Variants in NFASC observed in about 807,000 individuals in gnomAD.
NFASC encodes neurofascin homolog.
In NFASC, 43 loss-of-function variants were observed where a neutral mutation model predicts 147.5. That is an observed-to-expected ratio of 0.29 (90% CI 0.23 to 0.38). The LOEUF is 0.38. NFASC is among the 10% of genes least tolerant of loss of function. The pLI, the probability that NFASC is intolerant of heterozygous loss-of-function variation, is 1.00. For missense variants in NFASC, 1,320 were observed against 1,689.0 expected (o/e 0.78, Z 3.83); for synonymous variants, 622 against 665.5 (o/e 0.93, Z 1.01).
intron 1 of NFASC, among the ~76,000 whole-genome samples, chr1:204,877,234 T>C (rs2079201893): frequency 6.6e-6 from 1 of 151,072 alleles, no homozygotes; most frequent in African/African-American, 2.4e-5. Flanking sequence ...GCATGTTACA[T>C]ACATCTCATG....
chr1:204,840,344 T>C (rs1174391615), intron 1 of NFASC, among the ~76,000 whole-genome samples: 1 of 152,144 alleles, frequency 6.6e-6, no homozygotes, highest in African/African-American at 2.4e-5. Context: ...GAGGGTTGGG[T>C]CTAGGTACTG....
Position 204,950,592 on chromosome 1 carries a change from C to T in NFASC, c.109+18C>T, listed in dbSNP as rs368145845. On this transcript the variant is annotated intron_variant, in intron 4 of 29. Coordinates refer to ENST00000339876, the MANE Select transcript of NFASC (RefSeq NM_001005388.3). The stretch of plus-strand genomic sequence containing the variant: ...GAATGAGCGTAAGTGCCCTGTGTGC[C>T]TCTCTGTGCCTCTGGGAGTTGGGAG... The T allele has an allele frequency of 1.2e-4, 187 of 1,610,578 alleles. No individual in the cohort carries two copies. Among genetic ancestry groups the T allele is most frequent in the Non-Finnish European group, 1.5e-4 (178 of 1,178,092 alleles).
At chr1:204,874,262 G>T (rs1217872615) in intron 1 of NFASC, among the ~76,000 whole-genome samples, 2 of 152,166 alleles carry the variant, frequency 1.3e-5, no homozygotes, top group Non-Finnish European at 2.9e-5. Flanking sequence ...ATAACCCATG[G>T]TCTCCATGTT....
At chr1:204,912,554 A>G (rs1404796975) in intron 1 of NFASC, among the ~76,000 whole-genome samples, 1 of 151,830 alleles carries the variant, frequency 6.6e-6, no homozygotes, top group African/African-American at 2.4e-5. Context: ...ATAATAATAA[A>G]TTAGTTGATG....
At chr1:204,939,771 C>A (rs757968231) in intron 2 of NFASC, among the ~76,000 whole-genome samples, 1 of 152,254 alleles carries the variant, frequency 6.6e-6, no homozygotes, top group African/African-American at 2.4e-5. Flanking sequence ...GGCTAGCAAG[C>A]CTGTCCCTTT....
At chr1:204,964,416 G>A (rs1255280866) in intron 8 of NFASC, among the ~76,000 whole-genome samples, 1 of 152,220 alleles carries the variant, frequency 6.6e-6, no homozygotes, top group African/African-American at 2.4e-5. Context: ...AAGCCAAGGG[G>A]CAAAAAGCAG....
chr1:204,898,941 A>G (rs2083948291), intron 1 of NFASC, among the ~76,000 whole-genome samples: 1 of 152,196 alleles, frequency 6.6e-6, no homozygotes, highest in Non-Finnish European at 1.5e-5. Flanking sequence ...ATTTGAGGAT[A>G]TGACCTTTAA....
intron 8 of NFASC, among the ~76,000 whole-genome samples, chr1:204,958,432 C>G (rs1429683388): frequency 1.3e-5 from 2 of 152,152 alleles, no homozygotes; most frequent in African/African-American, 2.4e-5. Context: ...CGTTTCTATT[C>G]CCTGATTCTG....
intron 1 of NFASC, among the ~76,000 whole-genome samples, chr1:204,884,171 CAGGGGTG>C (rs1192798915): frequency 5.3e-5 from 8 of 152,182 alleles, no homozygotes; most frequent in African/African-American, 1.9e-4. Flanking sequence ...TGGGTGTTTT[CAGGGGTG>C]AGGGGTGTGT....
intron 1 of NFASC, among the ~76,000 whole-genome samples, chr1:204,839,790 A>T (rs941249538): frequency 6.6e-6 from 1 of 152,154 alleles, no homozygotes; most frequent in Non-Finnish European, 1.5e-5. Context: ...TTGCTCTTAG[A>T]CTTCCTTTTA....
chr1:205,001,722 G>A (rs949981881), intron 26 of NFASC, among the ~76,000 whole-genome samples: 1 of 152,200 alleles, frequency 6.6e-6, no homozygotes, highest in African/African-American at 2.4e-5. Flanking sequence ...GCGGCCCCCA[G>A]TCAGAGCCAC....
chr1:204,906,658 C>T (rs961857208), intron 1 of NFASC, among the ~76,000 whole-genome samples: 5 of 151,514 alleles, frequency 3.3e-5, no homozygotes, highest in Admixed American at 2.0e-4. Flanking sequence ...TAAATATTCT[C>T]ATGCAGTTTT....
chr1:204,836,210 C>G (rs1323091320), intron 1 of NFASC, among the ~76,000 whole-genome samples: 6 of 152,054 alleles, frequency 3.9e-5, no homozygotes, highest in Admixed American at 6.6e-5. Context: ...ATTATTCCAA[C>G]TAAGTCTGGT....
chr1:204,853,677 A>G (rs942102483), intron 1 of NFASC, among the ~76,000 whole-genome samples: 2 of 152,216 alleles, frequency 1.3e-5, no homozygotes, highest in Non-Finnish European at 2.9e-5. Flanking sequence ...TGCCAAACCC[A>G]TACCAGCCCC....
chr1:204,958,110 C>A (rs535795098), intron 8 of NFASC, among the ~76,000 whole-genome samples: 9 of 152,276 alleles, frequency 5.9e-5, no homozygotes, highest in African/African-American at 2.2e-4. Context: ...ACCAGCCTAT[C>A]GTACCTCAAC....
chr1:204,913,077 G>A (rs1017834515), intron 1 of NFASC, among the ~76,000 whole-genome samples: 9 of 151,900 alleles, frequency 5.9e-5, no homozygotes, highest in African/African-American at 1.9e-4. Context: ...TCAATGTGGT[G>A]GGATTCAAAA....
chr1:204,927,980 G>T (rs1337202391), intron 2 of NFASC, among the ~76,000 whole-genome samples: 1 of 152,228 alleles, frequency 6.6e-6, no homozygotes, highest in Non-Finnish European at 1.5e-5. Flanking sequence ...GTGGTGGTGG[G>T]ATCGGAATTC....
At chr1:204,942,667 G>A (rs1356588979) in intron 2 of NFASC, among the ~76,000 whole-genome samples, 1 of 152,180 alleles carries the variant, frequency 6.6e-6, no homozygotes, top group Non-Finnish European at 1.5e-5. Context: ...GGGGAAAAGT[G>A]GACCTGGAGA....
At chr1:204,910,049 T>A (rs998687997) in intron 1 of NFASC, among the ~76,000 whole-genome samples, 1 of 152,214 alleles carries the variant, frequency 6.6e-6, no homozygotes, top group African/African-American at 2.4e-5. Context: ...TTTGTCAAAT[T>A]TGTTTCAGCT....
Sources: gnomAD v4.1 joint callset for allele counts (sites outside exome capture counted in the v4.1 genomes callset) on GRCh38, gnomAD v4.1.1 for gene constraint, MANE v1.5 for transcripts, NCBI Gene and HGNC (gene_info 2026-07-23, HGNC 2026-07-21) for gene names.